The following NISCH variants were observed in gnomAD, a reference collection of about 807,000 sequenced individuals.
NISCH encodes I-1 receptor candidate protein.
NISCH carries 55 observed loss-of-function variants against 138.4 expected under a neutral mutation model. The observed-to-expected ratio is 0.40, with a 90% CI of 0.32 to 0.50. The LOEUF (loss-of-function observed/expected upper bound fraction) is 0.50, where lower values mean the gene tolerates loss of function less well. Among genes scored for constraint, NISCH ranks in the 20% least tolerant of loss-of-function variants. The pLI is 0.71. For missense variants in NISCH, 1,643 were observed against 2,005.5 expected, an observed-to-expected ratio of 0.82 and a Z score of 3.45; for synonymous variants, 860 against 861.5, an observed-to-expected ratio of 1.00 and a Z score of 0.03.
Position 52,487,814 on chromosome 3 carries a change from C to T in NISCH, c.2322C>T (p.Leu774=), listed in dbSNP as rs758161531. Residue 774 remains leucine (L), a synonymous_variant, in exon 16 of 21, where the codon CTC becomes CTT. Transcript: ENST00000345716. The surrounding 1 kb of genome is among the most constrained non-coding windows in gnomAD (Gnocchi z 9.1). ...GCGACCTCACCGAGTTTGGCTTCCT[C>T]ATGCCGGAGCTGTGTCTGGTGCTCA... The part of the protein sequence containing the change: ...PHGDLTEFGF[L]MPELCLVLKV... The T allele has an allele frequency of 6.2e-7, 1 of 1,613,584 alleles. No individual in the cohort carries two copies. The highest frequency in any genetic ancestry group is 1.7e-5 in the Admixed American group (1 of 59,960).
Position 52,487,517 on chromosome 3 carries a change from G to A in NISCH, c.2025G>A (p.Glu675=). ...GAGGAGGCCAGGGGGAGGAAGAGGAGGAGGAAGAGGAGGATGAAGAGGCCG... is the reference window on the plus strand; with the variant it reads ...GAGGAGGCCAGGGGGAGGAAGAGGAAGAGGAAGAGGAGGATGAAGAGGCCG... The part of the protein sequence containing the change: ...EEGGGQGEEE[E]EEEEDEEAEE... Residue 675 remains glutamate (E), a synonymous_variant, in exon 16 of 21, where the codon GAG becomes GAA. Coordinates refer to ENST00000345716, the MANE Select transcript of NISCH (RefSeq NM_007184.4). The surrounding 1 kb of genome is among the most constrained non-coding windows in gnomAD (Gnocchi z 9.1). The A allele has an allele frequency of 6.2e-7, 1 of 1,605,074 alleles. No individual in the cohort carries two copies. The highest frequency in any genetic ancestry group is 8.5e-7 in the Non-Finnish European group (1 of 1,173,896).
intron 3 of NISCH, among the ~76,000 whole-genome samples, chr3:52,464,589 A>T (rs977200064): frequency 1.7e-5 from 2 of 118,706 alleles, no homozygotes; most frequent in African/African-American, 3.3e-5. Context: ...TAGTGGCGTG[A>T]TCTCGACTCA....
Position 52,492,788 on chromosome 3 carries a change from T to A in NISCH, c.*306T>A. The A allele has an allele frequency of 4.8e-6, 2 of 413,646 alleles. No homozygotes were observed. Among genetic ancestry groups the A allele is most frequent in the Admixed American group, 8.0e-5 (2 of 24,912 alleles). The allele number at this position is 413,646 out of a possible 1,614,324, so 25.6% of individuals were successfully genotyped here. On this transcript the variant is annotated 3_prime_UTR_variant, in exon 21 of 21. Transcript: ENST00000345716. ...GTGACACTGTGGGTCTGACTTTCTC[T>A]TCTACACGTCCTTTCCTGAAGTGTC...
chr3:52,476,277 G>A, intron 7 of NISCH, 170 bp from the exon 8 acceptor site: 2 of 692,940 alleles, frequency 2.9e-6, no homozygotes, highest in Admixed American at 2.7e-5. Flanking sequence ...AGCTTTGAAC[G>A]ATTTCACAAT....
chr3:52,480,257 C>A lies in NISCH; in HGVS notation c.1490C>A (p.Ala497Glu), dbSNP rs375016559. ...PSSSPPTVAP[A>E]SASLPQPILS... is the part of the protein sequence containing the mutation. ...AGCTCCCCTCCCACTGTGGCTCCCG[C>A]ATCTGCCTCCCTGCCCCAGCCCATC... is the stretch of plus-strand genomic sequence containing the variant. Residue 497 changes from alanine to glutamate, a missense_variant, in exon 13 of 21, where the codon GCA becomes GAA. By Grantham distance (107) the Ala-to-Glu change is moderately radical. Transcript: ENST00000345716. The A allele has an allele frequency of 6.2e-7, 1 of 1,613,840 alleles. No homozygotes were observed. Among genetic ancestry groups the A allele is most frequent in the Non-Finnish European group, 8.5e-7 (1 of 1,180,020 alleles).
intron 3 of NISCH, chr3:52,470,468 G>GA (rs879666711): frequency 1.7e-4 from 33 of 196,676 alleles, no homozygotes; most frequent in Middle Eastern, 3.9e-3. Flanking sequence ...CTCTCTTCCA[G>GA]AAAAAACAGG....
intron 3 of NISCH, among the ~76,000 whole-genome samples, 191 bp downstream of exon 3, chr3:52,459,035 T>G (rs1001459759): frequency 3.2e-4 from 48 of 152,166 alleles, no homozygotes; most frequent in African/African-American, 1.2e-3. Flanking sequence ...TTGCCGTAAA[T>G]TAGACTAAAT....
At position 52,491,403 on chromosome 3, in the gene NISCH, C is replaced by T. The variant is rs961771180; in HGVS notation, c.3794C>T (p.Thr1265Met). 5.6e-6 allele frequency: 9 copies of T among 1,613,286 alleles called. No homozygotes were observed. The highest frequency in any genetic ancestry group is 1.3e-5 in the African/African-American group (1 of 75,066). ...VTCLTRDSYL[T>M]HCFLQHLMVV... ...TGCTTGACGCGGGACAGCTACCTGA[C>T]GCACTGCTTCCTCCAGCACCTCATG... Residue 1265 changes from threonine to methionine, a missense_variant, in exon 20 of 21, where the codon ACG becomes ATG. Transcript: ENST00000345716.
Position 52,455,694 on chromosome 3 carries a change from A to G in NISCH, c.53A>G (p.Glu18Gly). Residue 18 changes from glutamate (E) to glycine (G), a missense_variant, in exon 1 of 21, where the codon GAA becomes GGA. Physicochemically the swap from Glu to Gly is moderately conservative, Grantham distance 98. Transcript: ENST00000345716. ...GAGCGGGAAGCCGAGCCGGCCAAGG[A>G]AGCGCGCGTCGTGGGCTCGGAGCTT... ...GPEREAEPAK[E>G]ARVVGSELVD... The G allele has an allele frequency of 7.3e-7, 1 of 1,364,900 alleles. No individual in the cohort carries two copies. The highest frequency in any genetic ancestry group is 2.9e-5 in the Admixed American group (1 of 34,228). 84.5% of individuals were successfully genotyped at this position (1,364,900 alleles called of 1,614,324 possible). A position where few individuals can be genotyped will look rare whatever the true frequency, so the allele number is the denominator to read the frequency against.
At chr3:52,470,144 G>A (rs1005699730) in intron 3 of NISCH, among the ~76,000 whole-genome samples, 5 of 151,914 alleles carry the variant, frequency 3.3e-5, no homozygotes, top group African/African-American at 1.2e-4. Flanking sequence ...ATGTTGGGAG[G>A]ATTCAGGAGC....
intron 5 of NISCH, 55 bp downstream of exon 5, chr3:52,472,032 C>A (rs1706965100): frequency 1.3e-6 from 2 of 1,507,976 alleles, no homozygotes; most frequent in Non-Finnish European, 1.8e-6. Context: ...GGGGTGCAAC[C>A]TGCGGGGGAC....
At chr3:52,457,725 A>C in intron 1 of NISCH, 118 bp from the exon 2 acceptor site, 1 of 826,106 alleles carries the variant, frequency 1.2e-6, no homozygotes, top group African/African-American at 1.7e-5. Context: ...TCTGAGTTGC[A>C]GAGAGAAAGA....
At position 52,488,152 on chromosome 3, in the gene NISCH, G is replaced by A. The variant is rs1190930932; in HGVS notation, c.2660G>A (p.Cys887Tyr). Residue 887 changes from cysteine (C) to tyrosine (Y), a missense_variant, in exon 16 of 21, where the codon TGT becomes TAT. Physicochemically the swap from Cys to Tyr is radical, Grantham distance 194. Coordinates refer to ENST00000345716, the MANE Select transcript of NISCH (RefSeq NM_007184.4). Reference sequence around the variant, plus strand: ...ATCGAGTGGGCCAGCTGCACACTCTGTTCAGCCGTGCGGCGCTCCTGCTGC... The same window carrying A: ...ATCGAGTGGGCCAGCTGCACACTCTATTCAGCCGTGCGGCGCTCCTGCTGC... ...GNIEWASCTL[C>Y]SAVRRSCCAP... 1 of 1,613,340 alleles carries A rather than the reference G, an allele frequency of 6.2e-7. No individual in the cohort carries two copies. Among genetic ancestry groups the A allele is most frequent in the Admixed American group, 1.7e-5 (1 of 60,006 alleles).
At chr3:52,488,797 G>C (rs561642342) in intron 16 of NISCH, among the ~76,000 whole-genome samples, 192 bp downstream of exon 16, 128 of 145,274 alleles carry the variant, frequency 8.8e-4, no homozygotes, top group African/African-American at 3.0e-3. Context: ...CCTTATCTCA[G>C]TGCTGTAGAA....
At chr3:52,479,161 C>T (rs1408871307) in intron 11 of NISCH, among the ~76,000 whole-genome samples, 3 of 152,220 alleles carry the variant, frequency 2.0e-5, no homozygotes, top group South Asian at 2.1e-4. Flanking sequence ...GCCATCTCCT[C>T]CCCTCCTGGG....
chr3:52,484,462 T>TACCCCCCCCCC, intron 13 of NISCH, 51 bp from the exon 14 acceptor site: 1 of 788,670 alleles, frequency 1.3e-6, no homozygotes, highest in Non-Finnish European at 1.8e-6. Context: ...ACAGCCGCTC[T>TACCCCCCCCCC]CCCCGCCCCA....
intron 3 of NISCH, among the ~76,000 whole-genome samples, chr3:52,466,527 T>C (rs1578281655): frequency 1.3e-5 from 2 of 149,226 alleles, no homozygotes; most frequent in African/African-American, 5.0e-5. Context: ...ATCGCGCCAT[T>C]GCACTCAGCA....
Position 52,491,948 on chromosome 3 carries a change from C to T in NISCH, c.3981C>T (p.Asp1327=), listed in dbSNP as rs1485795627. 6.2e-7 allele frequency: 1 copy of T among 1,613,642 alleles called. No individual in the cohort carries two copies. The highest frequency in any genetic ancestry group is 8.5e-7 in the Non-Finnish European group (1 of 1,179,998). ...ACCCCAGTGAGGAGGAGATTGGGGA[C>T]CTGACGTTCACTGTGGCCCAAAAGA... The part of the protein sequence containing the change: ...FTYPSEEEIG[D]LTFTVAQKMA... Residue 1327 remains aspartate, a synonymous_variant, in exon 21 of 21, where the codon GAC becomes GAT. Transcript: ENST00000345716.
In NISCH at chr3:52,487,421, G is replaced by GGAA. The variant is rs764922203; in HGVS notation, c.1935_1937dup (p.Glu647dup). ...AGGGCGAGGAGGAGGATGAGGAGGA[G>GGAA]GAAGAAGAGGAGGACGTGGCTGAGA... On this transcript the variant is annotated inframe_insertion, in exon 16 of 21. Coordinates refer to ENST00000345716, the MANE Select transcript of NISCH (RefSeq NM_007184.4). The surrounding 1 kb of genome is among the most constrained non-coding windows in gnomAD (Gnocchi z 9.1). The GGAA allele has an allele frequency of 6.2e-7, 1 of 1,611,338 alleles. No homozygotes were observed. The highest frequency in any genetic ancestry group is 8.5e-7 in the Non-Finnish European group (1 of 1,177,852).
Sources: allele counts gnomAD v4.1 joint callset (sites outside exome capture counted in the v4.1 genomes callset), GRCh38; gene constraint gnomAD v4.1.1; non-coding constraint Gnocchi (gnomAD v3.1); transcripts MANE v1.5; gene names NCBI Gene and HGNC (gene_info 2026-07-23, HGNC 2026-07-21).